Variants in CHRM3 observed in about 807,000 individuals in gnomAD.
CHRM3 encodes cholinergic receptor muscarinic 3, also known as muscarinic acetylcholine receptor M3.
CHRM3 carries 11 observed loss-of-function variants against 41.8 expected under a neutral mutation model. That is an observed-to-expected ratio of 0.26 (90% confidence interval 0.17 to 0.44). CHRM3 has a LOEUF of 0.44. CHRM3 is among the 20% of genes least tolerant of loss of function. CHRM3 has a pLI of 1.00. For missense variants in CHRM3, 571 were observed against 745.4 expected (o/e 0.77, Z 2.72); for synonymous variants, 297 against 301.4 (o/e 0.99, Z 0.15).
intron 6 of CHRM3, among the ~76,000 whole-genome samples, chr1:239,884,234 T>G (rs920406101): frequency 6.6e-6 from 1 of 152,160 alleles, no homozygotes; most frequent in Non-Finnish European, 1.5e-5. Flanking sequence ...GGATTATTCA[T>G]GTGGGCCCGA....
intron 5 of CHRM3, among the ~76,000 whole-genome samples, chr1:239,725,965 T>C (rs1169777117): frequency 6.6e-6 from 1 of 151,954 alleles, no homozygotes; most frequent in African/African-American, 2.4e-5. Context: ...CCCATACTTG[T>C]ATATTATAGC....
Position 239,458,190 on chromosome 1 carries a change from G to A in CHRM3, c.-520-34519G>A, listed in dbSNP as rs141322353. Reference sequence around the variant, plus strand: ...TATGGTATGTTAGGTGGTGGCAAACGTTATCAAGAAAAATGAAACCGAGAA... The same window carrying A: ...TATGGTATGTTAGGTGGTGGCAAACATTATCAAGAAAAATGAAACCGAGAA... On this transcript the variant is annotated intron_variant, in intron 1 of 6. Transcript: ENST00000676153. Among the ~76,000 whole-genome samples the A allele has an allele frequency of 8.4e-3, 1,286 of 152,242 alleles. 26 individuals are homozygous for A. The highest frequency in any genetic ancestry group is 0.03 in the African/African-American group (1,233 of 41,548).
At chr1:239,395,735 C>T (rs564228526) in intron 1 of CHRM3, among the ~76,000 whole-genome samples, 1 of 152,150 alleles carries the variant, frequency 6.6e-6, no homozygotes. Flanking sequence ...AGAAGAAAGG[C>T]TTTATGTTTT....
At position 239,446,103 on chromosome 1, in the gene CHRM3, A is replaced by T. The variant is rs901815330; in HGVS notation, c.-520-46606A>T. Among the ~76,000 whole-genome samples the T allele has an allele frequency of 9.9e-5, 15 of 152,080 alleles. No homozygotes were observed. The East Asian group carries it at 2.5e-3, about 26-fold the overall frequency. On this transcript the variant is annotated intron_variant, in intron 1 of 6. Coordinates refer to ENST00000676153, the MANE Select transcript of CHRM3 (RefSeq NM_001375978.1). ...AGGTGTGCACCACCACACCCGGCTA[A>T]TTTTTGTATTTTTAGTAGAGATGGG...
At chr1:239,697,302 C>T (rs373048777) in intron 5 of CHRM3, among the ~76,000 whole-genome samples, 20 of 152,182 alleles carry the variant, frequency 1.3e-4, no homozygotes, top group Middle Eastern at 6.8e-3. Flanking sequence ...CAAGTTTCCC[C>T]GCACAAGCTC....
intron 5 of CHRM3, among the ~76,000 whole-genome samples, chr1:239,776,877 G>A (rs1104370): frequency 0.7 from 105,987 of 151,836 alleles, 37,425 homozygotes; most frequent in Non-Finnish European, 0.75. Flanking sequence ...AGCCCCTCAT[G>A]AAACCATCAG....
intron 4 of CHRM3, among the ~76,000 whole-genome samples, chr1:239,649,611 G>T (rs183150000): frequency 1.4e-3 from 213 of 152,272 alleles, no homozygotes; most frequent in South Asian, 4.1e-3. Context: ...CCATGTGAGG[G>T]CTTTTGTAAG....
intron 5 of CHRM3, among the ~76,000 whole-genome samples, chr1:239,679,163 C>CT (rs1177311911): frequency 6.6e-6 from 1 of 152,068 alleles, no homozygotes; most frequent in Non-Finnish European, 1.5e-5. Flanking sequence ...AGATTGATTG[C>CT]TTACTTGTAT....
At chr1:239,905,535 A>T (rs959627332) in intron 6 of CHRM3, among the ~76,000 whole-genome samples, 3 of 152,070 alleles carry the variant, frequency 2.0e-5, no homozygotes, top group Non-Finnish European at 4.4e-5. Flanking sequence ...GTGAAACCCC[A>T]TCTCTACTAA....
intron 6 of CHRM3, among the ~76,000 whole-genome samples, chr1:239,834,590 CT>C (rs1026433030): frequency 3.9e-5 from 6 of 152,186 alleles, no homozygotes; most frequent in African/African-American, 1.4e-4. Flanking sequence ...TCCAAATGCT[CT>C]TTATCCTTCT....
chr1:239,618,041 C>A (rs1667822875), intron 3 of CHRM3, among the ~76,000 whole-genome samples: 1 of 151,886 alleles, frequency 6.6e-6, no homozygotes, highest in Non-Finnish European at 1.5e-5. Context: ...TTCCTTTTTT[C>A]TTTTTATCAA....
At chr1:239,560,970 T>C (rs1383142789) in intron 3 of CHRM3, among the ~76,000 whole-genome samples, 1 of 152,160 alleles carries the variant, frequency 6.6e-6, no homozygotes, top group Middle Eastern at 3.2e-3. Context: ...TAGGTGTTAT[T>C]TTCCTCCTTT....
At chr1:239,579,569 C>T (rs768616321) in intron 3 of CHRM3, among the ~76,000 whole-genome samples, 12 of 152,092 alleles carry the variant, frequency 7.9e-5, no homozygotes, top group Non-Finnish European at 1.6e-4. Context: ...TAGAGTAGCC[C>T]TTGAATAATC....
intron 3 of CHRM3, among the ~76,000 whole-genome samples, chr1:239,576,594 G>GCAAACACACACACACACACACACACGCA (rs1662375468): frequency 7.1e-6 from 1 of 141,682 alleles, no homozygotes; most frequent in Admixed American, 7.1e-5. Flanking sequence ...ACACACACAC[G>GCAAACACACACACACACACACACACGCA]CACACACACA....
chr1:239,836,908 G>C (rs1278925744), intron 6 of CHRM3, among the ~76,000 whole-genome samples: 3 of 151,542 alleles, frequency 2.0e-5, no homozygotes, highest in Admixed American at 6.6e-5. Context: ...CCAGGAGGTG[G>C]AAGTTGCAGC....
intron 1 of CHRM3, among the ~76,000 whole-genome samples, chr1:239,424,954 T>A (rs1477083298): frequency 1.3e-5 from 2 of 152,168 alleles, no homozygotes; most frequent in East Asian, 3.9e-4. Context: ...TTTGCAAAGC[T>A]CATGCTGGGT....
At chr1:239,683,285 C>G (rs1334244278) in intron 5 of CHRM3, among the ~76,000 whole-genome samples, 1 of 151,840 alleles carries the variant, frequency 6.6e-6, no homozygotes, top group Non-Finnish European at 1.5e-5. Context: ...GAAATTATAC[C>G]AAATCTAGGA....
At chr1:239,697,943 G>A (rs541066460) in intron 5 of CHRM3, among the ~76,000 whole-genome samples, 1 of 152,238 alleles carries the variant, frequency 6.6e-6, no homozygotes, top group African/African-American at 2.4e-5. Flanking sequence ...CATACTTGTG[G>A]CATCAAAAAC....
At chr1:239,460,206 T>C (rs887325653) in intron 1 of CHRM3, among the ~76,000 whole-genome samples, 1 of 152,170 alleles carries the variant, frequency 6.6e-6, no homozygotes, top group African/African-American at 2.4e-5. Context: ...GGAGTATGTA[T>C]TGGGGAAGAA....
Sources: gnomAD v4.1 joint callset for allele counts (sites outside exome capture counted in the v4.1 genomes callset) on GRCh38, gnomAD v4.1.1 for gene constraint, MANE v1.5 for transcripts, NCBI Gene and HGNC (gene_info 2026-07-23, HGNC 2026-07-21) for gene names.